The following SP100 variants were observed in gnomAD, a reference collection of about 807,000 sequenced individuals.
SP100 encodes the protein SP100 nuclear body protein.
In SP100, 84 loss-of-function variants were observed where a neutral mutation model predicts 130.0. The observed-to-expected ratio is 0.65, with a 90% CI of 0.54 to 0.77. The LOEUF is 0.77. SP100 is among the 30% of genes least tolerant of loss of function. The probability of loss-of-function intolerance (pLI) is 0.00; values close to 1 mark genes in which losing one functional copy is unlikely to be tolerated. For missense variants in SP100, 978 were observed against 1,052.2 expected (o/e 0.93, Z 0.97); for synonymous variants, 331 against 351.7 (o/e 0.94, Z 0.66).
chr2:230,429,869 T>C (rs1462158300), intron 2 of SP100, among the ~76,000 whole-genome samples: 3 of 152,132 alleles, frequency 2.0e-5, no homozygotes, highest in Non-Finnish European at 2.9e-5. Flanking sequence ...TTTTCTAATT[T>C]TGTTGAGTTG....
chr2:230,511,267 T>C, intron 24 of SP100, 101 bp downstream of exon 24: 1 of 858,800 alleles, frequency 1.2e-6, no homozygotes, highest in South Asian at 1.3e-5. Flanking sequence ...CAGTCTCAGT[T>C]GGAGTATGTT....
chr2:230,417,601 G>T lies in SP100; in HGVS notation c.43G>T (p.Glu15Ter). Reference sequence around the variant, plus strand: ...AAATTGTCTTTCTAGGAGGCTGAATGAATGTATTTCACCAGTAGCAAATGA... The same window carrying T: ...AAATTGTCTTTCTAGGAGGCTGAATTAATGTATTTCACCAGTAGCAAATGA... ...GGDLSTRRLN[E>*]CISPVANEMN... The change falls in exon 2 of 29, where the codon GAA becomes TAA. Residue 15 changes from glutamate (E) to a stop codon, truncating the protein, a stop_gained. Coordinates refer to ENST00000340126, the MANE Select transcript of SP100 (RefSeq NM_001080391.2). LOFTEE classifies it high-confidence loss of function. 6.2e-7 allele frequency: 1 copy of T among 1,612,642 alleles called. No homozygotes were observed.
At chr2:230,479,100 C>G (rs926782240) in intron 17 of SP100, among the ~76,000 whole-genome samples, 1 of 152,202 alleles carries the variant, frequency 6.6e-6, no homozygotes, top group Admixed American at 6.5e-5. Flanking sequence ...GGATTACAGG[C>G]GCGAGCCACC....
Position 230,542,179 on chromosome 2 carries a change from C to T in SP100, c.2547+144C>T, listed in dbSNP as rs553182083. The T allele has an allele frequency of 3.4e-6, 3 of 885,558 alleles. No homozygotes were observed. In the South Asian group the frequency reaches 4.8e-5, roughly 14 times the overall value. The allele number at this position is 885,558 out of a possible 1,614,324, so 54.9% of individuals were successfully genotyped here. On this transcript the variant is annotated intron_variant, in intron 28 of 28. Transcript: ENST00000340126. ...TACAAGTACAAATCCTGGAAGTATC[C>T]TAAAAGCCCTGTAGTGCATGTGGAG...
chr2:230,485,065 G>C (rs2066004870), intron 17 of SP100, among the ~76,000 whole-genome samples: 1 of 152,112 alleles, frequency 6.6e-6, no homozygotes, highest in African/African-American at 2.4e-5. Context: ...AAGTAGCTGG[G>C]ATACAGGCAC....
chr2:230,427,186 G>A (rs1046953988), intron 2 of SP100, among the ~76,000 whole-genome samples: 1 of 151,650 alleles, frequency 6.6e-6, no homozygotes, highest in African/African-American at 2.4e-5. Flanking sequence ...TCCTTTGGCA[G>A]AGTCTCACTC....
intron 24 of SP100, among the ~76,000 whole-genome samples, chr2:230,512,276 CTTTTTTTTTTTTTTT>C (rs34753799): frequency 3.9e-5 from 3 of 76,070 alleles, no homozygotes; most frequent in Admixed American, 1.9e-4. Context: ...ATTGAAATGC[CTTTTTTTTTTTTTTT>C]TTTTTTTTTT....
At chr2:230,457,807 T>C (rs2064360239) in intron 8 of SP100, among the ~76,000 whole-genome samples, 1 of 152,098 alleles carries the variant, frequency 6.6e-6, no homozygotes, top group South Asian at 2.1e-4. Context: ...GGCTGGAGAG[T>C]CCTATTCTCC....
Position 230,462,669 on chromosome 2 carries a change from T to C in SP100, c.1057+151T>C, listed in dbSNP as rs1341980927. The C allele has an allele frequency of 9.3e-6, 6 of 648,636 alleles. 1 individual carries two copies. Among genetic ancestry groups the C allele is most frequent in the Non-Finnish European group, 1.7e-5 (6 of 362,104 alleles). 40.2% of individuals were successfully genotyped at this position (648,636 alleles called of 1,614,324 possible). ...TTTGCATTAATTTTACTTGACCTTT[T>C]TGGAAAATGCAGGGAGACAAGAAAT... On this transcript the variant is annotated intron_variant, in intron 10 of 28. Transcript: ENST00000340126.
chr2:230,469,448 C>G (rs2065153013), intron 14 of SP100: 1 of 474,778 alleles, frequency 2.1e-6, no homozygotes, highest in Non-Finnish European at 4.2e-6. Context: ...GAGATGGAAG[C>G]AGAAGTATGT....
At chr2:230,526,570 A>G (rs1021272351) in intron 24 of SP100, among the ~76,000 whole-genome samples, 3 of 152,340 alleles carry the variant, frequency 2.0e-5, no homozygotes, top group Admixed American at 1.3e-4. Context: ...GAGTTTGACA[A>G]GTTCACAGAA....
intron 24 of SP100, among the ~76,000 whole-genome samples, chr2:230,529,137 T>G (rs1455973184): frequency 6.6e-6 from 1 of 152,164 alleles, no homozygotes; most frequent in Non-Finnish European, 1.5e-5. Flanking sequence ...AAGAGAATTT[T>G]GGGCCAATAT....
intron 17 of SP100, among the ~76,000 whole-genome samples, chr2:230,487,685 A>G (rs1393499102): frequency 6.6e-6 from 1 of 151,996 alleles, no homozygotes; most frequent in Non-Finnish European, 1.5e-5. Flanking sequence ...AATGAAATTT[A>G]AAGTAGTTTT....
chr2:230,482,010 GGTTA>G (rs1463705337), intron 17 of SP100, among the ~76,000 whole-genome samples: 2 of 152,024 alleles, frequency 1.3e-5, no homozygotes, highest in African/African-American at 4.8e-5. Flanking sequence ...ACATTGTGCA[GGTTA>G]GTTACATATG....
At chr2:230,517,646 T>G (rs1690983352) in intron 24 of SP100, among the ~76,000 whole-genome samples, 1 of 151,866 alleles carries the variant, frequency 6.6e-6, no homozygotes, top group Non-Finnish European at 1.5e-5. Context: ...GTGCCTGTAG[T>G]CTCAGATACT....
intron 17 of SP100, among the ~76,000 whole-genome samples, chr2:230,488,091 A>G (rs1190835749): frequency 6.6e-6 from 1 of 152,188 alleles, no homozygotes; most frequent in Non-Finnish European, 1.5e-5. Flanking sequence ...TGGGGCTCAG[A>G]TGATGGGGTT....
intron 2 of SP100, among the ~76,000 whole-genome samples, chr2:230,426,422 A>G (rs2062934453): frequency 6.6e-6 from 1 of 152,102 alleles, no homozygotes; most frequent in Non-Finnish European, 1.5e-5. Flanking sequence ...AAGTTTTGCT[A>G]TGTTGTGTTT....
At chr2:230,514,985 G>A (rs2150088865) in intron 24 of SP100, 1 of 1,537,020 alleles carries the variant, frequency 6.5e-7, no homozygotes, top group African/African-American at 1.4e-5. Context: ...GACAGGCCCT[G>A]GGCGACTCTG....
At chr2:230,461,602 A>G (rs1392026549) in intron 9 of SP100, among the ~76,000 whole-genome samples, 188 bp downstream of exon 9, 1 of 152,080 alleles carries the variant, frequency 6.6e-6, no homozygotes, top group Non-Finnish European at 1.5e-5. Context: ...TTGGGAAAAT[A>G]CCAGAAGACA....
Sources: allele counts gnomAD v4.1 joint callset (sites outside exome capture counted in the v4.1 genomes callset), GRCh38; gene constraint gnomAD v4.1.1; transcripts MANE v1.5; gene names NCBI Gene and HGNC (gene_info 2026-07-23, HGNC 2026-07-21).